Variants in DNER observed in about 807,000 individuals in gnomAD.
DNER encodes the protein delta/notch like EGF repeat containing.
DNER carries 33 observed loss-of-function variants against 78.2 expected under a neutral mutation model. The ratio of observed to expected loss-of-function variants is 0.42; its 90% CI spans 0.32 to 0.56. The LOEUF is 0.56. Among genes scored for constraint, DNER ranks in the 20% least tolerant of loss-of-function variants. DNER has a pLI of 0.11. For synonymous variants in DNER, 417 were observed against 384.8 expected, an observed-to-expected ratio of 1.08 and a Z score of -0.98; for missense variants, 918 against 975.3, an observed-to-expected ratio of 0.94 and a Z score of 0.78.
chr2:229,560,342 T>G (rs1169570297), intron 4 of DNER, among the ~76,000 whole-genome samples: 1 of 152,168 alleles, frequency 6.6e-6, no homozygotes, highest in Non-Finnish European at 1.5e-5. Context: ...GTGCCAAGTT[T>G]TCCTATTAAG....
At chr2:229,371,481 G>C (rs994099397) in intron 11 of DNER, among the ~76,000 whole-genome samples, 6 of 152,242 alleles carry the variant, frequency 3.9e-5, no homozygotes, top group Non-Finnish European at 8.8e-5. Context: ...TGTCACGCTT[G>C]TGAGTCTGAC....
chr2:229,603,559 G>A (rs1697875351), intron 1 of DNER, among the ~76,000 whole-genome samples: 1 of 152,132 alleles, frequency 6.6e-6, no homozygotes, highest in African/African-American at 2.4e-5. Context: ...TTCCACTTGT[G>A]TAAAGAATAT....
chr2:229,666,839 A>C (rs1196073804), intron 1 of DNER, among the ~76,000 whole-genome samples: 1 of 152,208 alleles, frequency 6.6e-6, no homozygotes, highest in African/African-American at 2.4e-5. Flanking sequence ...GGGCTCAGGG[A>C]TAACTCCCTC....
intron 6 of DNER, among the ~76,000 whole-genome samples, chr2:229,492,455 A>T (rs1695420897): frequency 6.6e-6 from 1 of 152,246 alleles, no homozygotes; most frequent in African/African-American, 2.4e-5. Flanking sequence ...CATAACTAAC[A>T]GAAAATTCAC....
chr2:229,620,640 C>T (rs79576778), intron 1 of DNER, among the ~76,000 whole-genome samples: 2,721 of 152,342 alleles, frequency 0.018, 84 homozygotes, highest in East Asian at 0.16. Flanking sequence ...CAGAGAAACA[C>T]CAACCCCACA....
intron 1 of DNER, among the ~76,000 whole-genome samples, chr2:229,615,409 C>G (rs1698134858): frequency 1.1e-5 from 1 of 93,946 alleles, no homozygotes; most frequent in Non-Finnish European, 2.1e-5. Context: ...AAAACTCCGT[C>G]TTAAAAAAAA....
chr2:229,387,806 A>C (rs1559338059), intron 11 of DNER, among the ~76,000 whole-genome samples: 1 of 152,144 alleles, frequency 6.6e-6, no homozygotes. Context: ...AGGCAATAGA[A>C]GGAACTTAAT....
chr2:229,630,448 C>T (rs1698413129), intron 1 of DNER, among the ~76,000 whole-genome samples: 1 of 150,468 alleles, frequency 6.6e-6, no homozygotes, highest in Admixed American at 6.6e-5. Context: ...TGCACCCCAG[C>T]CTGGGCGACA....
chr2:229,542,032 T>C (rs1428426900), intron 5 of DNER, among the ~76,000 whole-genome samples: 1 of 149,648 alleles, frequency 6.7e-6, no homozygotes, highest in Non-Finnish European at 1.5e-5. Flanking sequence ...CCAATGTTCC[T>C]GTTCCTCCAA....
At chr2:229,551,910 G>A (rs1216215924) in intron 4 of DNER, among the ~76,000 whole-genome samples, 3 of 151,544 alleles carry the variant, frequency 2.0e-5, no homozygotes, top group East Asian at 3.9e-4. Context: ...CCAGCTGGGT[G>A]ACAGAGTGAG....
intron 10 of DNER, among the ~76,000 whole-genome samples, chr2:229,402,271 A>G (rs1693283685): frequency 1.3e-5 from 2 of 152,216 alleles, no homozygotes; most frequent in South Asian, 4.1e-4. Flanking sequence ...AGAATATGTA[A>G]AGAATTCTTT....
At chr2:229,476,490 A>AACCACAGAAC (rs1695039940) in intron 7 of DNER, among the ~76,000 whole-genome samples, 1 of 152,192 alleles carries the variant, frequency 6.6e-6, no homozygotes, top group Non-Finnish European at 1.5e-5. Flanking sequence ...TGTGGATCAG[A>AACCACAGAAC]AGCTTACATG....
chr2:229,672,553 T>G (rs1265262121), intron 1 of DNER, among the ~76,000 whole-genome samples: 7 of 137,948 alleles, frequency 5.1e-5, no homozygotes, highest in South Asian at 2.3e-4. Flanking sequence ...GGAGGAGGAC[T>G]AGGAGGAGGA....
intron 1 of DNER, among the ~76,000 whole-genome samples, chr2:229,692,738 G>A (rs1254219683): frequency 1.3e-5 from 2 of 152,148 alleles, no homozygotes; most frequent in East Asian, 3.8e-4. Context: ...AATGATTACA[G>A]TTAATATTCC....
chr2:229,619,270 C>T (rs1159134182), intron 1 of DNER, among the ~76,000 whole-genome samples: 1 of 152,026 alleles, frequency 6.6e-6, no homozygotes, highest in African/African-American at 2.4e-5. Context: ...TAATTATGCA[C>T]TGTATGCCTG....
intron 4 of DNER, among the ~76,000 whole-genome samples, chr2:229,550,140 G>A (rs1445235212): frequency 4.7e-5 from 7 of 150,194 alleles, no homozygotes; most frequent in African/African-American, 9.9e-5. Flanking sequence ...TTACATATAC[G>A]CGCCACCACA....
At position 229,358,518 on chromosome 2, in the gene DNER, T is replaced by C; in HGVS notation, c.*22A>G. 6 of 1,580,366 alleles carry C rather than the reference T, an allele frequency of 3.8e-6. No homozygotes were observed. Among genetic ancestry groups the C allele is most frequent in the Non-Finnish European group, 5.2e-6 (6 of 1,160,160 alleles). ...AAATGAGTGTAGTATCTCATCTTTT[T>C]GAAAAATAATCCAAAAAAAGATTAC... On this transcript the variant is annotated 3_prime_UTR_variant, in exon 13 of 13. Transcript: ENST00000341772.
chr2:229,628,358 A>G (rs1698380289), intron 1 of DNER, among the ~76,000 whole-genome samples: 1 of 152,150 alleles, frequency 6.6e-6, no homozygotes, highest in Non-Finnish European at 1.5e-5. Context: ...CCCTTTCCGA[A>G]TGTCCAACCC....
At chr2:229,379,482 A>T (rs913542984) in intron 11 of DNER, among the ~76,000 whole-genome samples, 1 of 152,202 alleles carries the variant, frequency 6.6e-6, no homozygotes, top group Non-Finnish European at 1.5e-5. Flanking sequence ...TGCCTACATT[A>T]TCATCACCAG....
Sources: gnomAD v4.1 joint callset for allele counts (sites outside exome capture counted in the v4.1 genomes callset) on GRCh38, gnomAD v4.1.1 for gene constraint, MANE v1.5 for transcripts, NCBI Gene and HGNC (gene_info 2026-07-23, HGNC 2026-07-21) for gene names.